The following PHF24 variants were observed in gnomAD, a reference collection of about 807,000 sequenced individuals.
The protein encoded by PHF24 is PHD finger protein 24.
PHF24 carries 25 observed loss-of-function variants against 42.6 expected under a neutral mutation model. The ratio of observed to expected loss-of-function variants is 0.59; its 90% CI spans 0.43 to 0.82. PHF24 has a LOEUF of 0.82. Ranked by LOEUF, PHF24 falls within the 40% of genes least tolerant of loss-of-function variation. The pLI is 0.00. For missense variants in PHF24, 470 were observed against 538.1 expected (o/e 0.87, Z 1.25); for synonymous variants, 185 against 204.8 (o/e 0.90, Z 0.83).
the PHF24 span, chr9:34,691,187 G>C: frequency 1.3e-6 from 2 of 1,572,380 alleles, no homozygotes; most frequent in African/African-American, 2.7e-5. Flanking sequence ...AGCGCCAGCT[G>C]TCTGGGTGTG....
the PHF24 span, among the ~76,000 whole-genome samples, chr9:34,830,689 A>G: frequency 6.6e-6 from 1 of 152,182 alleles, no homozygotes; most frequent in Non-Finnish European, 1.5e-5. Flanking sequence ...GTAGCAGGAA[A>G]GAACTCTAGG....
the PHF24 span, among the ~76,000 whole-genome samples, chr9:34,798,043 A>G: frequency 1.3e-5 from 2 of 152,204 alleles, no homozygotes; most frequent in Admixed American, 6.5e-5. Flanking sequence ...ATTAGGGGGT[A>G]GAGAAAAGGT....
chr9:34,750,162 CA>C, the PHF24 span, among the ~76,000 whole-genome samples: 1 of 152,084 alleles, frequency 6.6e-6, no homozygotes, highest in Non-Finnish European at 1.5e-5. Context: ...TGTAACTACA[CA>C]GAAAAACACA....
At chr9:34,801,682 G>A in the PHF24 span, among the ~76,000 whole-genome samples, 1 of 151,892 alleles carries the variant, frequency 6.6e-6, no homozygotes, top group Non-Finnish European at 1.5e-5. Context: ...AGCTGAGGTC[G>A]CGCCACTGCA....
At chr9:34,959,394 T>C (rs1298710797) in intron 1 of PHF24, among the ~76,000 whole-genome samples, 1 of 152,214 alleles carries the variant, frequency 6.6e-6, no homozygotes, top group East Asian at 1.9e-4. Flanking sequence ...TTTTAAACAT[T>C]GAGACTCAGA....
chr9:34,971,563 G>A, exon 2 of PHF24: 2 of 1,614,102 alleles, frequency 1.2e-6, no homozygotes, highest in Non-Finnish European at 8.5e-7. Flanking sequence ...GCGCGGCGTG[G>A]AGCCTGAGGA....
the PHF24 span, among the ~76,000 whole-genome samples, chr9:34,782,447 A>G: frequency 6.6e-6 from 1 of 152,284 alleles, no homozygotes; most frequent in African/African-American, 2.4e-5. Flanking sequence ...TACCCCGCTT[A>G]TGAAAAGTTG....
At chr9:34,897,723 T>C in the PHF24 span, among the ~76,000 whole-genome samples, 2 of 152,206 alleles carry the variant, frequency 1.3e-5, no homozygotes, top group Non-Finnish European at 2.9e-5. Context: ...GGTGTTTGGT[T>C]ACATGAGTAA....
At chr9:34,793,409 A>G in the PHF24 span, among the ~76,000 whole-genome samples, 2 of 152,204 alleles carry the variant, frequency 1.3e-5, no homozygotes, top group African/African-American at 4.8e-5. Flanking sequence ...AGCCTTTTCA[A>G]AGAGGTTTTA....
At chr9:34,768,124 A>G in the PHF24 span, among the ~76,000 whole-genome samples, 4 of 152,304 alleles carry the variant, frequency 2.6e-5, no homozygotes, top group South Asian at 2.1e-4. Context: ...CGCATACTAC[A>G]TTATTTCACT....
intron 1 of PHF24, among the ~76,000 whole-genome samples, chr9:34,962,732 G>A (rs1207330050): frequency 6.6e-6 from 1 of 152,232 alleles, no homozygotes; most frequent in Non-Finnish European, 1.5e-5. Flanking sequence ...AGTCTCACCA[G>A]CCAATCACTG....
At chr9:34,964,944 T>C (rs1379078369) in intron 1 of PHF24, among the ~76,000 whole-genome samples, 2 of 152,156 alleles carry the variant, frequency 1.3e-5, no homozygotes, top group African/African-American at 2.4e-5. Flanking sequence ...TGGCCTCTTT[T>C]CGTCATTTTT....
the PHF24 span, among the ~76,000 whole-genome samples, chr9:34,873,188 T>A: frequency 6.6e-6 from 1 of 151,768 alleles, no homozygotes; most frequent in African/African-American, 2.4e-5. Flanking sequence ...TCTTTTGCTG[T>A]GCAGAAGCTC....
At chr9:34,727,918 C>T in the PHF24 span, 3 of 1,072,486 alleles carry the variant, frequency 2.8e-6, no homozygotes, top group East Asian at 2.7e-5. Flanking sequence ...GTGTATGTCT[C>T]CCTCCCAGCC....
chr9:34,727,834 A>G, the PHF24 span, among the ~76,000 whole-genome samples: 94,549 of 152,014 alleles, frequency 0.62, 29,975 homozygotes, highest in South Asian at 0.77. Flanking sequence ...TGAACTGGGC[A>G]GCTCATCTCT....
At chr9:34,778,112 G>C in the PHF24 span, among the ~76,000 whole-genome samples, 10 of 152,186 alleles carry the variant, frequency 6.6e-5, no homozygotes, top group African/African-American at 1.7e-4. Context: ...TCTCTTGGAT[G>C]ATCTATTCAA....
chr9:34,818,778 C>T, the PHF24 span, among the ~76,000 whole-genome samples: 4 of 152,020 alleles, frequency 2.6e-5, no homozygotes, highest in East Asian at 1.9e-4. Context: ...TGTGAGACCC[C>T]GTCTATATAA....
chr9:34,851,435 G>A, the PHF24 span, among the ~76,000 whole-genome samples: 10 of 152,308 alleles, frequency 6.6e-5, no homozygotes, highest in East Asian at 3.9e-4. Context: ...CTGGTGCGCC[G>A]TTTTTTAAGC....
chr9:34,840,468 T>C, the PHF24 span, among the ~76,000 whole-genome samples: 12 of 151,758 alleles, frequency 7.9e-5, no homozygotes, highest in Non-Finnish European at 1.0e-4. Flanking sequence ...TTCTTCTTCT[T>C]CTCCTCCTCC....
Sources: gnomAD v4.1 joint callset for allele counts (sites outside exome capture counted in the v4.1 genomes callset) on GRCh38, gnomAD v4.1.1 for gene constraint, MANE v1.5 for transcripts, NCBI Gene and HGNC (gene_info 2026-07-23, HGNC 2026-07-21) for gene names.